CCNB1IP1: variants seen among roughly 807,000 people sequenced by gnomAD.
CCNB1IP1 encodes E3 ubiquitin-protein ligase CCNB1IP1.
A neutral mutation model predicts 25.6 loss-of-function variants in CCNB1IP1; 14 were observed. The ratio of observed to expected loss-of-function variants is 0.55; its 90% confidence interval spans 0.36 to 0.85. CCNB1IP1 has a LOEUF of 0.85. Among genes scored for constraint, CCNB1IP1 ranks in the 40% least tolerant of loss-of-function variants. The pLI, the probability that CCNB1IP1 is intolerant of heterozygous loss-of-function variation, is 0.01. For synonymous variants in CCNB1IP1, 119 were observed against 116.1 expected (o/e 1.02, Z -0.16); for missense variants, 278 against 342.4 (o/e 0.81, Z 1.48).
chr14:20,324,997 G>C (rs559256403), intron 4 of CCNB1IP1, among the ~76,000 whole-genome samples: 2 of 152,134 alleles, frequency 1.3e-5, no homozygotes, highest in Non-Finnish European at 2.9e-5. Context: ...TTTTTTAGTA[G>C]AGATGGGGTT....
intron 4 of CCNB1IP1, among the ~76,000 whole-genome samples, chr14:20,322,620 TA>T (rs201930194): frequency 7.9e-6 from 1 of 127,162 alleles, no homozygotes; most frequent in African/African-American, 3.0e-5. Context: ...TATATATATA[TA>T]ATTTTTTTTT....
intron 1 of CCNB1IP1, 67 bp from the exon 2 acceptor site, chr14:20,329,440 A>G (rs1483975737): frequency 1.3e-5 from 2 of 152,240 alleles, no homozygotes; most frequent in Admixed American, 6.5e-5. Context: ...AGCTTGGTAT[A>G]GTTTTCCTTT....
chr14:20,330,609 T>TC (rs1319385347), intron 1 of CCNB1IP1: 3 of 152,308 alleles, frequency 2.0e-5, no homozygotes, highest in Non-Finnish European at 1.5e-5. Context: ...TTTTTTTTTT[T>TC]CACTCTTGTT....
rs1340947156 is a variant in CCNB1IP1, at chr14:20,316,417, T to C, written c.107A>G (p.His36Arg). The change falls in exon 5 of 7, where the codon CAT becomes CGT. Residue 36 changes from histidine (H) to arginine (R), a missense_variant. Coordinates refer to ENST00000358932, the MANE Select transcript of CCNB1IP1 (RefSeq NM_021178.5). ...TACSHIFCDQ[H>R]GSGEFSRSPA... The stretch of plus-strand genomic sequence containing the variant: ...TGAGCGACTAAACTCACCACTGCCA[T>C]GCTGATCACAGAAGATGTGAGAGCA... 1.9e-6 allele frequency: 3 copies of C among 1,613,912 alleles called. No homozygotes were observed. The African/African-American group carries it at 4.0e-5, about 22-fold the overall frequency.
At chr14:20,311,956 T>A (rs1594272548) in intron 6 of CCNB1IP1, among the ~76,000 whole-genome samples, 1 of 152,140 alleles carries the variant, frequency 6.6e-6, no homozygotes, top group African/African-American at 2.4e-5. Context: ...AGAAAAAATA[T>A]AACTGAAATA....
At position 20,329,277 on chromosome 14, in the gene CCNB1IP1, C is replaced by T. The variant is rs1883167061; in HGVS notation, c.-334G>A. The stretch of plus-strand genomic sequence containing the variant: ...CCTTTCTGTTGAGAATATCCAAATC[C>T]AAGCCCATATGATTTTCAGGGGGTC... On this transcript the variant is annotated 5_prime_UTR_variant, in exon 2 of 7. Transcript: ENST00000358932. 6.6e-6 allele frequency: 1 copy of T among 152,172 alleles called. No homozygotes were observed. Among genetic ancestry groups the T allele is most frequent in the South Asian group, 2.1e-4 (1 of 4,834 alleles). 9.4% of individuals were successfully genotyped at this position (152,172 alleles called of 1,614,324 possible).
chr14:20,321,323 A>G (rs1390158136), intron 4 of CCNB1IP1, among the ~76,000 whole-genome samples: 1 of 152,224 alleles, frequency 6.6e-6, no homozygotes, highest in African/African-American at 2.4e-5. Context: ...TTTGCAACAG[A>G]AAAGTCTGAC....
chr14:20,316,249 G>A lies in CCNB1IP1; in HGVS notation c.275C>T (p.Ala92Val). 1.9e-6 allele frequency: 3 copies of A among 1,613,766 alleles called. No homozygotes were observed. The highest frequency in any genetic ancestry group is 1.7e-6 in the Non-Finnish European group (2 of 1,179,704). Residue 92 changes from alanine to valine, a missense_variant, in exon 5 of 7, where the codon GCG (alanine) becomes GTG (valine). Physicochemically the swap from Ala to Val is moderately conservative, Grantham distance 64. Transcript: ENST00000358932. ...AACCTGATATGTCCAGAAGGCCAGCGCTCGGGAGCTAATGTCCAACACGAT... is the reference window on the plus strand; with the variant it reads ...AACCTGATATGTCCAGAAGGCCAGCACTCGGGAGCTAATGTCCAACACGAT... The part of the protein sequence containing the change: ...PEIVLDISSR[A>V]LAFWTYQVHQ...
intron 6 of CCNB1IP1, among the ~76,000 whole-genome samples, chr14:20,313,131 T>C (rs886626329): frequency 2.0e-5 from 3 of 152,228 alleles, no homozygotes; most frequent in African/African-American, 7.2e-5. Context: ...TATGAATTTA[T>C]ATAAAACACA....
In CCNB1IP1 at chr14:20,316,389, T is replaced by C. The variant is rs779646337; in HGVS notation, c.135A>G (p.Pro45=). The C allele has an allele frequency of 2.2e-5, 36 of 1,613,892 alleles. No homozygotes were observed. Among genetic ancestry groups the C allele is most frequent in the Non-Finnish European group, 2.8e-5 (33 of 1,179,908 alleles). The change falls in exon 5 of 7, where the codon CCA becomes CCG. Residue 45 remains proline, a synonymous_variant. Coordinates refer to ENST00000358932, the MANE Select transcript of CCNB1IP1 (RefSeq NM_021178.5). ...TACTGTTGCAGGCAGGACAGATAGC[T>C]GGTGAGCGACTAAACTCACCACTGC... ...QHGSGEFSRS[P]AICPACNSTL... is the part of the protein sequence containing the mutation.
At chr14:20,316,107 TAA>T (rs767430721) in intron 5 of CCNB1IP1, 118 bp downstream of exon 5, 76 of 878,226 alleles carry the variant, frequency 8.7e-5, no homozygotes, top group Middle Eastern at 3.1e-4. Context: ...AACAATTTAA[TAA>T]AAAGAGTTTC....
intron 1 of CCNB1IP1, chr14:20,332,895 A>G (rs911500410): frequency 2.0e-5 from 3 of 152,132 alleles, no homozygotes; most frequent in African/African-American, 7.2e-5. Context: ...ATCTGACCTC[A>G]CCCAGGGAGA....
intron 4 of CCNB1IP1, among the ~76,000 whole-genome samples, chr14:20,325,197 G>C (rs568578825): frequency 4.6e-5 from 7 of 150,676 alleles, no homozygotes; most frequent in Non-Finnish European, 1.0e-4. Flanking sequence ...CGAGGCGGGC[G>C]GATCACGAGG....
chr14:20,332,614 G>A (rs576161211), intron 1 of CCNB1IP1, among the ~76,000 whole-genome samples: 1 of 152,208 alleles, frequency 6.6e-6, no homozygotes, highest in South Asian at 2.1e-4. Context: ...AAATCTAGAG[G>A]CTTGCCCTGA....
Position 20,313,462 on chromosome 14 carries a change from T to C in CCNB1IP1, c.631+6A>G. ...GAACAGACACTTGATACATGTCCTT[T>C]CTTACCTAATGGGAAGCCAAGAACA... On this transcript the variant is annotated splice_donor_region_variant and intron_variant, in intron 6 of 6. Transcript: ENST00000358932. 6.4e-7 allele frequency: 1 copy of C among 1,567,142 alleles called. No homozygotes were observed. The highest frequency in any genetic ancestry group is 1.2e-5 in the South Asian group (1 of 84,920).
chr14:20,330,598 CTT>C (rs35031847), intron 1 of CCNB1IP1: 5 of 147,202 alleles, frequency 3.4e-5, no homozygotes, highest in East Asian at 2.0e-4. Context: ...ATATTGTGTC[CTT>C]TTTTTTTTTC....
chr14:20,332,026 A>T (rs10162304), intron 1 of CCNB1IP1, among the ~76,000 whole-genome samples: 662 of 40,828 alleles, frequency 0.016, 28 homozygotes, highest in Middle Eastern at 0.036. Flanking sequence ...ATATATATAT[A>T]TTTTTTTTTT....
intron 4 of CCNB1IP1, among the ~76,000 whole-genome samples, chr14:20,317,250 C>CA (rs1290482714): frequency 9.3e-5 from 14 of 150,978 alleles, no homozygotes; most frequent in Middle Eastern, 3.2e-3. Context: ...ACTAAAAATA[C>CA]AAAAAATTAG....
intron 5 of CCNB1IP1, chr14:20,315,527 T>C (rs1354185265): frequency 2.5e-6 from 3 of 1,190,772 alleles, no homozygotes; most frequent in Non-Finnish European, 3.2e-6. Context: ...ATGACAAACA[T>C]CCTTAAGAAG....
Sources: allele counts gnomAD v4.1 joint callset (sites outside exome capture counted in the v4.1 genomes callset), GRCh38; gene constraint gnomAD v4.1.1; transcripts MANE v1.5; gene names NCBI Gene and HGNC (gene_info 2026-07-23, HGNC 2026-07-21).